The following ZSWIM5 variants were observed in gnomAD, a reference collection of about 807,000 sequenced individuals.
ZSWIM5 encodes zinc finger SWIM-type containing 5, also known as zinc finger SWIM domain-containing protein 5.
In ZSWIM5, 55 loss-of-function variants were observed where a neutral mutation model predicts 119.6. The observed-to-expected ratio is 0.46, with a 90% CI of 0.37 to 0.58. ZSWIM5 has a LOEUF of 0.58. Ranked by LOEUF, ZSWIM5 falls within the 20% of genes least tolerant of loss-of-function variation. The pLI is 0.00. For synonymous variants in ZSWIM5, 537 were observed against 606.9 expected (o/e 0.88, Z 1.69); for missense variants, 1,193 against 1,512.8 (o/e 0.79, Z 3.51).
Position 45,017,680 on chromosome 1 carries a change from T to A in ZSWIM5, c.*774A>T, listed in dbSNP as rs553965683. The A allele has an allele frequency of 6.6e-6, 1 of 152,266 alleles. No homozygotes were observed. The highest frequency in any genetic ancestry group is 1.5e-5 in the Non-Finnish European group (1 of 68,056). The allele number at this position is 152,266 out of a possible 1,614,324, so 9.4% of individuals were successfully genotyped here. The stretch of plus-strand genomic sequence containing the variant: ...CTCAGCGGCTTCCCAGACCTTCATC[T>A]TCTCCCTGCACTTGTTTCTCAGGTG... On this transcript the variant is annotated 3_prime_UTR_variant, in exon 14 of 14. Transcript: ENST00000359600.
chr1:45,066,630 T>A (rs180953572), intron 2 of ZSWIM5, among the ~76,000 whole-genome samples: 1 of 152,300 alleles, frequency 6.6e-6, no homozygotes, highest in East Asian at 1.9e-4. Flanking sequence ...GAAAGGAGGA[T>A]ATTCTCTCAA....
At chr1:45,102,934 C>A (rs961903735) in intron 1 of ZSWIM5, among the ~76,000 whole-genome samples, 10 of 152,084 alleles carry the variant, frequency 6.6e-5, no homozygotes, top group African/African-American at 2.4e-4. Flanking sequence ...ATGATCACGG[C>A]TCACTGCAAC....
intron 1 of ZSWIM5, among the ~76,000 whole-genome samples, chr1:45,196,384 CTTTTTTTTTT>C (rs767673983): frequency 1.3e-5 from 1 of 76,358 alleles, no homozygotes; most frequent in Non-Finnish European, 2.5e-5. Context: ...CCCACAATTC[CTTTTTTTTTT>C]TTTTTTTTTT....
chr1:45,120,901 G>T (rs574230824), intron 1 of ZSWIM5, among the ~76,000 whole-genome samples: 1 of 151,538 alleles, frequency 6.6e-6, no homozygotes, highest in Non-Finnish European at 1.5e-5. Flanking sequence ...TAGATGTTTC[G>T]CTCCTAGTTA....
intron 11 of ZSWIM5, among the ~76,000 whole-genome samples, chr1:45,028,435 G>T (rs944192372): frequency 6.6e-6 from 1 of 152,022 alleles, no homozygotes; most frequent in Non-Finnish European, 1.5e-5. Flanking sequence ...GTTTTAAAAA[G>T]GTTTCTCCAC....
chr1:45,041,681 T>C (rs1022708465), intron 6 of ZSWIM5, among the ~76,000 whole-genome samples: 27 of 151,996 alleles, frequency 1.8e-4, no homozygotes, highest in African/African-American at 9.7e-5. Context: ...GGATTACCGA[T>C]GTGTGCCACC....
intron 1 of ZSWIM5, among the ~76,000 whole-genome samples, chr1:45,165,657 T>C (rs575717046): frequency 1.3e-5 from 2 of 152,156 alleles, no homozygotes; most frequent in East Asian, 3.9e-4. Flanking sequence ...CCCACAGAAA[T>C]ACAAAGTACC....
At chr1:45,186,165 A>C (rs1008323463) in intron 1 of ZSWIM5, among the ~76,000 whole-genome samples, 3 of 147,496 alleles carry the variant, frequency 2.0e-5, no homozygotes, top group Non-Finnish European at 3.0e-5. Flanking sequence ...AAAACCAAAC[A>C]CCGCATGTTC....
At position 45,185,601 on chromosome 1, in the gene ZSWIM5, A is replaced by G. The variant is rs1322183409; in HGVS notation, c.595+20155T>C. ...CAAAAAGTGGGCAAAGGATATGAAC[A>G]GACACTTCTCAAAAGAAGACATTTA... On this transcript the variant is annotated intron_variant, in intron 1 of 13. Transcript: ENST00000359600. Among the ~76,000 whole-genome samples, 17 of 151,792 alleles carry G rather than the reference A, an allele frequency of 1.1e-4. No individual in the cohort carries two copies. The South Asian group carries it at 1.3e-3, about 11-fold the overall frequency.
chr1:45,043,025 T>C (rs942721796), intron 6 of ZSWIM5, among the ~76,000 whole-genome samples, 194 bp downstream of exon 6: 1 of 152,178 alleles, frequency 6.6e-6, no homozygotes, highest in Non-Finnish European at 1.5e-5. Flanking sequence ...TTATTTGAGG[T>C]TGCTGTATCA....
chr1:45,117,278 CA>C (rs891794564), intron 1 of ZSWIM5, among the ~76,000 whole-genome samples: 70 of 152,296 alleles, frequency 4.6e-4, no homozygotes, highest in African/African-American at 1.7e-3. Flanking sequence ...GAAACTCCTT[CA>C]ACTCTAGATA....
intron 5 of ZSWIM5, among the ~76,000 whole-genome samples, chr1:45,044,723 CAAAAAAAAA>C (rs869224710): frequency 0.34 from 1,511 of 4,388 alleles, 418 homozygotes; most frequent in Middle Eastern, 1. Context: ...GACTCCGTCT[CAAAAAAAAA>C]AAAAAAAAAA....
chr1:45,181,081 G>A (rs570521690), intron 1 of ZSWIM5, among the ~76,000 whole-genome samples: 19 of 152,268 alleles, frequency 1.2e-4, no homozygotes, highest in East Asian at 3.9e-4. Flanking sequence ...AAAGCTGGAC[G>A]GAGAATGACT....
chr1:45,055,196 C>T (rs960258832), intron 4 of ZSWIM5, among the ~76,000 whole-genome samples: 88 of 152,080 alleles, frequency 5.8e-4, no homozygotes, highest in Admixed American at 9.8e-4. Context: ...TTCACCGTGT[C>T]AGCCAGGATG....
At chr1:45,034,560 T>C (rs914937787) in intron 10 of ZSWIM5, 91 bp from the exon 11 acceptor site, 49 of 1,440,592 alleles carry the variant, frequency 3.4e-5, no homozygotes, top group East Asian at 1.1e-4. Flanking sequence ...GGGGAGGAAC[T>C]GGGGAGAGGA....
intron 4 of ZSWIM5, among the ~76,000 whole-genome samples, chr1:45,053,762 C>A (rs367543789): frequency 4.9e-3 from 453 of 91,992 alleles, no homozygotes; most frequent in East Asian, 7.6e-3. Flanking sequence ...GACTCTGTTT[C>A]AAAAAAAAAA....
intron 1 of ZSWIM5, among the ~76,000 whole-genome samples, chr1:45,133,994 T>C (rs1284724398): frequency 6.6e-6 from 1 of 152,224 alleles, no homozygotes; most frequent in African/African-American, 2.4e-5. Flanking sequence ...ACCAGTACCA[T>C]GCTGTTTTGG....
chr1:45,087,812 A>C, intron 2 of ZSWIM5, 69 bp downstream of exon 2: 1 of 1,120,404 alleles, frequency 8.9e-7, no homozygotes, highest in Non-Finnish European at 1.3e-6. Flanking sequence ...AGTAGAGGTA[A>C]GAGGGTTGCT....
At chr1:45,153,659 A>C (rs1282757751) in intron 1 of ZSWIM5, among the ~76,000 whole-genome samples, 1 of 152,202 alleles carries the variant, frequency 6.6e-6, no homozygotes, top group African/African-American at 2.4e-5. Context: ...ACATGGGATC[A>C]ATCTAGGCAC....
Sources: allele counts gnomAD v4.1 joint callset (sites outside exome capture counted in the v4.1 genomes callset), GRCh38; gene constraint gnomAD v4.1.1; transcripts MANE v1.5; gene names NCBI Gene and HGNC (gene_info 2026-07-23, HGNC 2026-07-21).